DTNB: variants seen among roughly 807,000 people sequenced by gnomAD.
DTNB encodes the protein dystrobrevin beta, also known as DTN-B.
DTNB carries 63 observed loss-of-function variants against 90.7 expected under a neutral mutation model. The ratio of observed to expected loss-of-function variants is 0.69; its 90% CI spans 0.57 to 0.86. DTNB has a LOEUF of 0.86. DTNB is among the 40% of genes least tolerant of loss of function. DTNB has a pLI of 0.00. For missense variants in DTNB, 744 were observed against 807.1 expected (o/e 0.92, Z 0.95); for synonymous variants, 277 against 286.7 (o/e 0.97, Z 0.34).
At position 25,616,954 on chromosome 2, in the gene DTNB, G is replaced by GAAAAAA. The variant is rs900643862; in HGVS notation, c.363-9639_363-9634dup. Among the ~76,000 whole-genome samples the GAAAAAA allele has an allele frequency of 5.5e-4, 54 of 97,438 alleles. 7 individuals carry two copies. The highest frequency in any genetic ancestry group is 7.6e-4 in the Non-Finnish European group (39 of 51,640). The allele number at this position is 97,438 out of a possible 152,430, so 63.9% of individuals were successfully genotyped here. A position where few individuals can be genotyped will look rare whatever the true frequency, so the allele number is the denominator to read the frequency against. On this transcript the variant is annotated intron_variant, in intron 4 of 20. Coordinates refer to ENST00000406818, the MANE Select transcript of DTNB (RefSeq NM_021907.5). ...CTCAAAAAAAAAAAAAAAAAAAAAG[G>GAAAAAA]AAAAAAAAGACTCATTAACCCCTCA... is the stretch of plus-strand genomic sequence containing the variant.
At chr2:25,385,641 A>T (rs1188451122) in intron 18 of DTNB, among the ~76,000 whole-genome samples, 2 of 152,220 alleles carry the variant, frequency 1.3e-5, no homozygotes, top group African/African-American at 4.8e-5. Flanking sequence ...GACCTTAGGC[A>T]GACCACTTTT....
At chr2:25,495,927 A>G (rs2068731281) in intron 9 of DTNB, among the ~76,000 whole-genome samples, 1 of 152,238 alleles carries the variant, frequency 6.6e-6, no homozygotes, top group Non-Finnish European at 1.5e-5. Flanking sequence ...CAGCAGACAT[A>G]TATGCCTCAA....
chr2:25,666,779 C>T (rs1244267384), intron 1 of DTNB, among the ~76,000 whole-genome samples: 2 of 152,070 alleles, frequency 1.3e-5, no homozygotes, highest in African/African-American at 4.8e-5. Context: ...ACCAGGTGTG[C>T]ACTTCCTGCA....
intron 5 of DTNB, among the ~76,000 whole-genome samples, chr2:25,603,476 A>G (rs2148478164): frequency 6.6e-6 from 1 of 152,332 alleles, no homozygotes; most frequent in Admixed American, 6.5e-5. Flanking sequence ...CTACCTGGAG[A>G]CAGAAACTCT....
intron 3 of DTNB, among the ~76,000 whole-genome samples, chr2:25,634,113 G>C (rs903058574): frequency 3.8e-4 from 58 of 150,650 alleles, no homozygotes; most frequent in African/African-American, 1.3e-3. Context: ...GGAGGTGGGC[G>C]AGTCAGCCCC....
intron 2 of DTNB, among the ~76,000 whole-genome samples, chr2:25,651,797 G>T (rs1390418632): frequency 6.6e-6 from 1 of 152,126 alleles, no homozygotes; most frequent in African/African-American, 2.4e-5. Flanking sequence ...TCCCAGGCTG[G>T]CTCCCCTCTC....
chr2:25,493,923 T>G (rs993717930), intron 9 of DTNB, among the ~76,000 whole-genome samples: 2 of 152,184 alleles, frequency 1.3e-5, no homozygotes, highest in African/African-American at 4.8e-5. Context: ...ACCAAATACA[T>G]GTAAGACTAT....
intron 10 of DTNB, chr2:25,481,943 T>C (rs2065053247): frequency 6.6e-6 from 1 of 152,240 alleles, no homozygotes; most frequent in Non-Finnish European, 1.5e-5. Context: ...CACTATGTAT[T>C]ATATAGTCAA....
At chr2:25,475,945 C>T (rs2063658095) in intron 10 of DTNB, among the ~76,000 whole-genome samples, 1 of 152,284 alleles carries the variant, frequency 6.6e-6, no homozygotes, top group African/African-American at 2.4e-5. Flanking sequence ...AACAGTACTG[C>T]TCATTCATTG....
intron 11 of DTNB, among the ~76,000 whole-genome samples, chr2:25,454,872 G>GT (rs2059779967): frequency 1.3e-5 from 2 of 152,232 alleles, no homozygotes; most frequent in South Asian, 2.1e-4. Flanking sequence ...AGACCCTCAG[G>GT]TGACAGTGAC....
chr2:25,619,407 C>T (rs1044883801), intron 4 of DTNB, among the ~76,000 whole-genome samples: 2 of 152,216 alleles, frequency 1.3e-5, no homozygotes, highest in African/African-American at 4.8e-5. Flanking sequence ...CAATAATCAA[C>T]TGCAAATCAA....
intron 8 of DTNB, among the ~76,000 whole-genome samples, chr2:25,567,896 G>C (rs759607587): frequency 2.0e-5 from 3 of 152,194 alleles, no homozygotes; most frequent in Admixed American, 6.5e-5. Flanking sequence ...CGCGGTGGCT[G>C]ACGCCTGTAA....
chr2:25,504,303 GGAAA>G (rs1226162223), intron 9 of DTNB, among the ~76,000 whole-genome samples: 4 of 137,700 alleles, frequency 2.9e-5, no homozygotes, highest in South Asian at 2.3e-4. Context: ...AAAGAAAGAA[GGAAA>G]GAAAGAAAGA....
intron 9 of DTNB, among the ~76,000 whole-genome samples, chr2:25,491,245 T>C (rs532266091): frequency 7.1e-4 from 108 of 152,044 alleles, no homozygotes; most frequent in African/African-American, 2.4e-3. Flanking sequence ...AGTTTGAGAC[T>C]TTCAGTAGAA....
chr2:25,392,861 T>C (rs886739492), intron 16 of DTNB, among the ~76,000 whole-genome samples: 6 of 152,034 alleles, frequency 3.9e-5, no homozygotes, highest in South Asian at 4.1e-4. Context: ...TTGCAAAAGA[T>C]AGAAAAAGAG....
intron 9 of DTNB, among the ~76,000 whole-genome samples, chr2:25,488,325 G>C (rs1330730835): frequency 6.6e-6 from 1 of 152,080 alleles, no homozygotes; most frequent in Non-Finnish European, 1.5e-5. Context: ...AGGGAATAAA[G>C]AATAAGAGAT....
At chr2:25,509,935 G>C (rs1285180248) in intron 9 of DTNB, among the ~76,000 whole-genome samples, 1 of 151,726 alleles carries the variant, frequency 6.6e-6, no homozygotes. Flanking sequence ...ATTTTTAGTA[G>C]AGATGGGGCT....
intron 16 of DTNB, among the ~76,000 whole-genome samples, chr2:25,415,751 C>T (rs1051322783): frequency 3.3e-5 from 5 of 152,182 alleles, no homozygotes; most frequent in Admixed American, 6.5e-5. Context: ...AGAGAGCTTC[C>T]GGTTGGTGAG....
intron 8 of DTNB, among the ~76,000 whole-genome samples, chr2:25,554,418 A>G (rs1246893952): frequency 6.6e-6 from 1 of 152,144 alleles, no homozygotes; most frequent in African/African-American, 2.4e-5. Context: ...ACTGCTTTAC[A>G]AGAGAATTAA....
Sources: allele counts gnomAD v4.1 joint callset (sites outside exome capture counted in the v4.1 genomes callset), GRCh38; gene constraint gnomAD v4.1.1; transcripts MANE v1.5; gene names NCBI Gene and HGNC (gene_info 2026-07-23, HGNC 2026-07-21).